EPHA3: variants seen among roughly 807,000 people sequenced by gnomAD.
EPHA3 encodes ephrin type-A receptor 3.
EPHA3 carries 42 observed loss-of-function variants against 107.1 expected under a neutral mutation model. The ratio of observed to expected loss-of-function variants is 0.39; its 90% confidence interval spans 0.31 to 0.51. The LOEUF is 0.51. Among genes scored for constraint, EPHA3 ranks in the 20% least tolerant of loss-of-function variants. The pLI is 0.78. For missense variants in EPHA3, 1,183 were observed against 1,211.2 expected (o/e 0.98, Z 0.35); for synonymous variants, 461 against 424.8 (o/e 1.09, Z -1.05).
At chr3:89,124,045 C>T (rs938199534) in intron 1 of EPHA3, among the ~76,000 whole-genome samples, 3 of 152,056 alleles carry the variant, frequency 2.0e-5, no homozygotes, top group East Asian at 3.9e-4. Flanking sequence ...TTTATCATTG[C>T]GAACTCGTAT....
intron 2 of EPHA3, among the ~76,000 whole-genome samples, chr3:89,192,249 G>A (rs1182498705): frequency 2.0e-5 from 3 of 152,082 alleles, no homozygotes; most frequent in African/African-American, 7.2e-5. Context: ...TTTTGTTCTA[G>A]AAACCACACT....
In EPHA3 at chr3:89,418,136, T is replaced by C. The variant is rs146775078; in HGVS notation, c.1889-1069T>C. Among the ~76,000 whole-genome samples, 17 of 151,562 alleles carry C rather than the reference T, an allele frequency of 1.1e-4. 1 individual carries two copies. The East Asian group carries it at 3.3e-3, about 29-fold the overall frequency. ...CATAGAAAATTCACAGAGAGAAAAT[T>C]GGACCAAGATTATGATTCCACTCCA... On this transcript the variant is annotated intron_variant, in intron 10 of 16. Coordinates refer to ENST00000336596, the MANE Select transcript of EPHA3 (RefSeq NM_005233.6).
At position 89,165,357 on chromosome 3, in the gene EPHA3, A is replaced by G. The variant is rs560889816; in HGVS notation, c.153+38084A>G. ...AATCCACCCAACATATATTATCTGT[A>G]TATAAAACATTCTTGAAAGAAATTA... On this transcript the variant is annotated intron_variant, in intron 2 of 16. Transcript: ENST00000336596. 2.6e-5 allele frequency among the ~76,000 whole-genome samples: 4 copies of G among 152,352 alleles called. No homozygotes were observed. The South Asian group carries it at 8.3e-4, about 32-fold the overall frequency.
At chr3:89,271,411 G>GT (rs1279339981) in intron 3 of EPHA3, among the ~76,000 whole-genome samples, 41 of 151,932 alleles carry the variant, frequency 2.7e-4, no homozygotes, top group African/African-American at 9.4e-4. Context: ...TTTTTCTAAT[G>GT]TTTTTTTAAT....
intron 5 of EPHA3, among the ~76,000 whole-genome samples, chr3:89,346,188 G>A (rs1171750387): frequency 4.1e-5 from 5 of 120,680 alleles, no homozygotes; most frequent in Middle Eastern, 7.6e-3. Context: ...CTGAGGAATC[G>A]CCACACTGAC....
rs141287594 is a variant in EPHA3 at position 89,210,224 on chromosome 3, C to T, written c.518C>T (p.Pro173Leu). Reference sequence around the variant, plus strand: ...AACACTGAGATTAGAGAAGTAGGTCCTGTCAACAAGAAGGGATTTTATTTG... The same window carrying T: ...AACACTGAGATTAGAGAAGTAGGTCTTGTCAACAAGAAGGGATTTTATTTG... Reference protein sequence around the residue: ...KLNTEIREVGPVNKKGFYLAF... With the variant: ...KLNTEIREVGLVNKKGFYLAF... The change falls in exon 3 of 17, where the codon CCT becomes CTT. Residue 173 changes from proline (P) to leucine (L), a missense_variant. Pro to Leu is a moderately conservative substitution (Grantham distance 98). Transcript: ENST00000336596. The T allele has an allele frequency of 8.5e-4, 1,369 of 1,613,970 alleles. 2 individuals are homozygous for T. Among genetic ancestry groups the T allele is most frequent in the Non-Finnish European group, 1.1e-3 (1,263 of 1,179,952 alleles).
chr3:89,255,277 A>G (rs1020311161), intron 3 of EPHA3, among the ~76,000 whole-genome samples: 4 of 152,114 alleles, frequency 2.6e-5, no homozygotes, highest in Non-Finnish European at 5.9e-5. Flanking sequence ...TTTTTTTAAC[A>G]TTTGGGATTC....
intron 3 of EPHA3, among the ~76,000 whole-genome samples, chr3:89,283,865 A>T (rs931997840): frequency 6.6e-6 from 1 of 152,078 alleles, no homozygotes; most frequent in Non-Finnish European, 1.5e-5. Context: ...CAAATGGAAT[A>T]TGTTTTGTCT....
chr3:89,300,465 A>G (rs1455024111), intron 3 of EPHA3, among the ~76,000 whole-genome samples: 5 of 152,066 alleles, frequency 3.3e-5, no homozygotes, highest in Admixed American at 2.0e-4. Context: ...AGACATACAA[A>G]TAAACACACA....
At chr3:89,136,269 T>C (rs1415848212) in intron 2 of EPHA3, among the ~76,000 whole-genome samples, 1 of 146,804 alleles carries the variant, frequency 6.8e-6, no homozygotes, top group Non-Finnish European at 1.5e-5. Context: ...TCACCTATTA[T>C]GCTGACCTTT....
chr3:89,187,066 A>T (rs1336443198), intron 2 of EPHA3, among the ~76,000 whole-genome samples: 1 of 151,862 alleles, frequency 6.6e-6, no homozygotes, highest in Admixed American at 6.6e-5. Context: ...TACAGTTTAG[A>T]TTCTCACTTT....
intron 5 of EPHA3, among the ~76,000 whole-genome samples, chr3:89,387,921 A>C (rs1335971914): frequency 6.6e-6 from 1 of 152,134 alleles, no homozygotes; most frequent in African/African-American, 2.4e-5. Flanking sequence ...TCAATGATTA[A>C]AATTTTGGAG....
intron 9 of EPHA3, among the ~76,000 whole-genome samples, chr3:89,409,020 A>G (rs1709108348): frequency 6.6e-6 from 1 of 152,112 alleles, no homozygotes; most frequent in Non-Finnish European, 1.5e-5. Flanking sequence ...GTTGTAACTC[A>G]AGTAAAAAAC....
intron 3 of EPHA3, among the ~76,000 whole-genome samples, chr3:89,232,011 C>T (rs149024879): frequency 9.3e-4 from 142 of 152,062 alleles, no homozygotes; most frequent in African/African-American, 2.9e-3. Context: ...ACCTGTCACA[C>T]GAAGATCTGA....
intron 5 of EPHA3, among the ~76,000 whole-genome samples, chr3:89,366,010 G>A (rs1388524301): frequency 6.6e-6 from 1 of 150,550 alleles, no homozygotes; most frequent in African/African-American, 2.4e-5. Flanking sequence ...AATAAATGAA[G>A]ATGCAAGGAA....
intron 3 of EPHA3, among the ~76,000 whole-genome samples, chr3:89,318,056 T>A (rs1018362031): frequency 3.3e-5 from 5 of 151,856 alleles, no homozygotes; most frequent in Non-Finnish European, 5.9e-5. Context: ...ATCAATAATA[T>A]AGCAGCATAT....
chr3:89,231,056 A>G (rs1307708194), intron 3 of EPHA3, among the ~76,000 whole-genome samples: 1 of 152,088 alleles, frequency 6.6e-6, no homozygotes, highest in East Asian at 1.9e-4. Flanking sequence ...GTTATACATT[A>G]CCCATCAAAT....
At chr3:89,133,864 G>A (rs1704255877) in intron 2 of EPHA3, among the ~76,000 whole-genome samples, 1 of 152,000 alleles carries the variant, frequency 6.6e-6, no homozygotes, top group Admixed American at 6.5e-5. Context: ...CTTTTTTAAT[G>A]CAAGTTTGGC....
rs550242948 is a variant in EPHA3 at position 89,146,486 on chromosome 3, G to A, written c.153+19213G>A. Among the ~76,000 whole-genome samples the A allele has an allele frequency of 1.4e-4, 22 of 151,986 alleles. 1 individual carries two copies. In the Middle Eastern group the frequency reaches 0.01, roughly 70 times the overall value. On this transcript the variant is annotated intron_variant, in intron 2 of 16. Coordinates refer to ENST00000336596, the MANE Select transcript of EPHA3 (RefSeq NM_005233.6). ...TATCCTTTGCCAACTTTTTTGATGG[G>A]TGGTTTGTATTTTTCTTGTAAATTT...
Sources: gnomAD v4.1 joint callset for allele counts (sites outside exome capture counted in the v4.1 genomes callset) on GRCh38, gnomAD v4.1.1 for gene constraint, MANE v1.5 for transcripts, NCBI Gene and HGNC (gene_info 2026-07-23, HGNC 2026-07-21) for gene names.